Variants in GLI3 observed in about 807,000 individuals in gnomAD.
GLI3 encodes transcription activator GLI3.
In GLI3, 20 loss-of-function variants were observed where a neutral mutation model predicts 100.8. The observed-to-expected ratio is 0.20, with a 90% confidence interval of 0.14 to 0.29. The LOEUF is 0.29. Ranked by LOEUF, GLI3 falls within the 10% of genes least tolerant of loss-of-function variation. The pLI, the probability that GLI3 is intolerant of heterozygous loss-of-function variation, is 1.00. For synonymous variants in GLI3, 938 were observed against 860.5 expected (o/e 1.09, Z -1.58); for missense variants, 2,040 against 2,128.5 (o/e 0.96, Z 0.82).
At chr7:42,240,584 C>T (rs1267185561), upstream of GLI3, among the ~76,000 whole-genome samples, 1 of 152,156 alleles carries the variant, frequency 6.6e-6, no homozygotes, top group African/African-American at 2.4e-5. Flanking sequence ...CAGTCTCCAC[C>T]TCTGTCCTCA....
intron 4 of GLI3, among the ~76,000 whole-genome samples, chr7:42,052,142 C>T (rs1199096968): frequency 6.6e-6 from 1 of 152,136 alleles, no homozygotes; most frequent in Admixed American, 6.5e-5. Flanking sequence ...CATATTTTTT[C>T]AAAGTTCATT....
At chr7:41,968,712 A>G (rs13311786) in intron 13 of GLI3, among the ~76,000 whole-genome samples, 3,719 of 99,214 alleles carry the variant, frequency 0.037, 61 homozygotes, top group East Asian at 0.11. Flanking sequence ...AAAGAAAGAA[A>G]GAAGAAAGAA....
chr7:42,206,791 A>G (rs905503603), intron 2 of GLI3, among the ~76,000 whole-genome samples: 1 of 152,226 alleles, frequency 6.6e-6, no homozygotes, highest in South Asian at 2.1e-4. Context: ...CCTAAAATAT[A>G]TATTAAGGCA....
intron 2 of GLI3, among the ~76,000 whole-genome samples, chr7:42,190,508 A>G (rs73327558): frequency 6.6e-6 from 1 of 152,210 alleles, no homozygotes; most frequent in Non-Finnish European, 1.5e-5. Flanking sequence ...GAAAGACTCA[A>G]TAACAATGGA....
chr7:42,193,412 C>T (rs1391966326), intron 2 of GLI3, among the ~76,000 whole-genome samples: 2 of 152,078 alleles, frequency 1.3e-5, no homozygotes, highest in African/African-American at 2.4e-5. Flanking sequence ...CAGGAACACA[C>T]TCTGCCTGAG....
chr7:42,126,268 C>G (rs1042133538), intron 3 of GLI3, among the ~76,000 whole-genome samples: 7 of 152,212 alleles, frequency 4.6e-5, no homozygotes, highest in African/African-American at 1.7e-4. Context: ...TCATTCAACA[C>G]AAGACTTCTC....
At chr7:42,228,238 C>G (rs944221177) in intron 1 of GLI3, among the ~76,000 whole-genome samples, 2 of 152,104 alleles carry the variant, frequency 1.3e-5, no homozygotes, top group African/African-American at 4.8e-5. Flanking sequence ...GCAAACAGAA[C>G]ATGCTGGATT....
At chr7:41,996,493 C>T (rs1286892145) in intron 10 of GLI3, among the ~76,000 whole-genome samples, 1 of 152,110 alleles carries the variant, frequency 6.6e-6, no homozygotes, top group Non-Finnish European at 1.5e-5. Context: ...CTCTGAAGAG[C>T]TTTCTGAATC....
At chr7:42,071,722 T>A (rs1784787669) in intron 4 of GLI3, among the ~76,000 whole-genome samples, 1 of 152,210 alleles carries the variant, frequency 6.6e-6, no homozygotes, top group Admixed American at 6.5e-5. Context: ...AAGAAATGTA[T>A]TTATTCATAT....
chr7:42,205,212 C>A (rs1157173050), intron 2 of GLI3, among the ~76,000 whole-genome samples: 3 of 152,092 alleles, frequency 2.0e-5, no homozygotes, highest in Non-Finnish European at 4.4e-5. Flanking sequence ...AGCAACATAC[C>A]ATGTACGGAA....
In GLI3 at chr7:41,966,523, G is replaced by C. The variant is rs1454810711; in HGVS notation, c.2550C>G (p.Ser850Arg). 3.1e-6 allele frequency: 5 copies of C among 1,613,668 alleles called. No homozygotes were observed. The highest frequency in any genetic ancestry group is 4.2e-6 in the Non-Finnish European group (5 of 1,180,018). ...GGTAGGCCGAGCTGATGGTGCTGGCGCTGCTGTCCCTTCTGTTGAGCATGT... is the reference window on the plus strand; with the variant it reads ...GGTAGGCCGAGCTGATGGTGCTGGCCCTGCTGTCCCTTCTGTTGAGCATGT... ...MLNMLNRRDS[S>R]ASTISSAYLS... is the part of the protein sequence containing the mutation. Residue 850 changes from serine to arginine, a missense_variant, in exon 15 of 15, where the codon AGC becomes AGG. By Grantham distance (110) the Ser-to-Arg change is moderately radical. Transcript: ENST00000395925. This position sits in a 1 kb window ranked among gnomAD's most constrained non-coding sequence, Gnocchi z 5.8.
intron 2 of GLI3, among the ~76,000 whole-genome samples, chr7:42,175,645 C>G (rs1787465039): frequency 6.6e-6 from 1 of 151,704 alleles, no homozygotes; most frequent in African/African-American, 2.4e-5. Flanking sequence ...TGACAGTAGT[C>G]TCTCTTACAA....
intron 10 of GLI3, among the ~76,000 whole-genome samples, chr7:41,979,027 A>G (rs1383957102): frequency 1.3e-5 from 2 of 152,224 alleles, no homozygotes; most frequent in African/African-American, 2.4e-5. Flanking sequence ...GGCCATCTGA[A>G]GAGCAGAGTT....
chr7:42,015,295 T>A (rs908930202), intron 10 of GLI3, among the ~76,000 whole-genome samples: 2 of 152,158 alleles, frequency 1.3e-5, no homozygotes, highest in African/African-American at 2.4e-5. Context: ...TACTGGTAAC[T>A]GGGTGGGGTC....
intron 2 of GLI3, among the ~76,000 whole-genome samples, chr7:42,199,985 G>A (rs894054163): frequency 4.6e-5 from 7 of 152,168 alleles, no homozygotes; most frequent in African/African-American, 1.7e-4. Context: ...GAATCCGGGA[G>A]GCGGAGGTTG....
chr7:42,115,051 T>G (rs1363143734), intron 3 of GLI3, among the ~76,000 whole-genome samples: 2 of 144,888 alleles, frequency 1.4e-5, no homozygotes, highest in Non-Finnish European at 3.0e-5. Flanking sequence ...AGTGAAGAAA[T>G]AAGAAGAGAG....
At chr7:42,127,487 T>A (rs1256619835) in intron 3 of GLI3, among the ~76,000 whole-genome samples, 1 of 152,156 alleles carries the variant, frequency 6.6e-6, no homozygotes, top group African/African-American at 2.4e-5. Context: ...CACACATGCA[T>A]CCCCATGATT....
At chr7:42,054,691 A>T (rs1784417177) in intron 4 of GLI3, among the ~76,000 whole-genome samples, 1 of 152,072 alleles carries the variant, frequency 6.6e-6, no homozygotes, top group South Asian at 2.1e-4. Context: ...TGTAAGAAAA[A>T]ATTTGCTTTT....
chr7:41,965,956 C>G lies in GLI3; in HGVS notation c.3117G>C (p.Ala1039=). ...TCTGAAGCACGAGACTGCGCTTCTC[C>G]GCGGACGTGGCCATCGCCGGGGGGT... The part of the protein sequence containing the change: ...SCNPPAMATS[A]EKRSLVLQNY... The change falls in exon 15 of 15, where the codon GCG becomes GCC. Residue 1039 remains alanine, a synonymous_variant. Coordinates refer to ENST00000395925, the MANE Select transcript of GLI3 (RefSeq NM_000168.6). 6.2e-7 allele frequency: 1 copy of G among 1,611,088 alleles called. No homozygotes were observed. Among genetic ancestry groups the G allele is most frequent in the African/African-American group, 1.3e-5 (1 of 75,016 alleles).
Sources: gnomAD v4.1 joint callset for allele counts (sites outside exome capture counted in the v4.1 genomes callset) on GRCh38, gnomAD v4.1.1 for gene constraint, Gnocchi (gnomAD v3.1) non-coding constraint, MANE v1.5 for transcripts, NCBI Gene and HGNC (gene_info 2026-07-23, HGNC 2026-07-21) for gene names.